The following SPINK5 variants were observed in gnomAD, a reference collection of about 807,000 sequenced individuals.
SPINK5 encodes the protein serine peptidase inhibitor Kazal type 5, also known as serine protease inhibitor Kazal-type 5.
Under a neutral mutation model 151.8 loss-of-function variants are expected in SPINK5, and 125 were observed. The ratio of observed to expected loss-of-function variants is 0.82; its 90% CI spans 0.71 to 0.96. The LOEUF is 0.96. SPINK5 is among the 40% of genes least tolerant of loss of function. The pLI is 0.00. For synonymous variants in SPINK5, 374 were observed against 395.3 expected (o/e 0.95, Z 0.64); for missense variants, 1,194 against 1,291.9 (o/e 0.92, Z 1.16).
chr5:148,065,740 A>G (rs1379118477), intron 2 of SPINK5, among the ~76,000 whole-genome samples: 3 of 152,228 alleles, frequency 2.0e-5, no homozygotes, highest in Non-Finnish European at 4.4e-5. Context: ...TAAATTTTCT[A>G]GTAATCATTA....
In SPINK5 at chr5:148,114,366, C is replaced by T. The variant is rs767144734; in HGVS notation, c.1892C>T (p.Thr631Ile). The T allele has an allele frequency of 6.8e-6, 11 of 1,610,108 alleles. No homozygotes were observed. Among genetic ancestry groups the T allele is most frequent in the Admixed American group, 1.7e-5 (1 of 59,762 alleles). The change falls in exon 21 of 33, where the codon ACA becomes ATA. Residue 631 changes from threonine (T) to isoleucine (I), a missense_variant. Transcript: ENST00000256084. The part of the protein sequence containing the change: ...AKVKREAEKE[T>I]CDEFRRLLQN... ...CTCCTTTTCTTTTCCTTTTAGGAGA[C>T]ATGCGATGAATTTCGGAGACTTTTG...
intron 2 of SPINK5, among the ~76,000 whole-genome samples, chr5:148,068,395 T>C (rs1266115151): frequency 1.3e-5 from 2 of 151,726 alleles, no homozygotes; most frequent in Admixed American, 6.6e-5. Flanking sequence ...TCCAGGCAAG[T>C]ATACTTCTGT....
At chr5:148,079,002 C>G (rs1401481039) in intron 4 of SPINK5, among the ~76,000 whole-genome samples, 1 of 150,724 alleles carries the variant, frequency 6.6e-6, no homozygotes, top group East Asian at 2.0e-4. Context: ...TTGAAAAGAT[C>G]AACAAACCTG....
At chr5:148,124,966 T>C in intron 28 of SPINK5, 129 bp downstream of exon 28, 1 of 1,272,972 alleles carries the variant, frequency 7.9e-7, no homozygotes. Context: ...TTTTCTTGTC[T>C]TGTCACTTTG....
At chr5:148,129,388 G>T (rs1299563826) in intron 30 of SPINK5, among the ~76,000 whole-genome samples, 17 of 152,214 alleles carry the variant, frequency 1.1e-4, no homozygotes, top group African/African-American at 3.9e-4. Flanking sequence ...GTTGTCTACA[G>T]AAGAGATGAT....
chr5:148,102,552 T>A (rs1262526070), intron 15 of SPINK5, among the ~76,000 whole-genome samples: 1 of 152,132 alleles, frequency 6.6e-6, no homozygotes, highest in East Asian at 1.9e-4. Flanking sequence ...AGGTGCAGAA[T>A]AATTTCTTCT....
rs764541508 is a variant in SPINK5, at chr5:148,114,370, C to A, written c.1896C>A (p.Cys632Ter). 1 of 1,611,486 alleles carries A rather than the reference C, an allele frequency of 6.2e-7. No homozygotes were observed. Among genetic ancestry groups the A allele is most frequent in the Non-Finnish European group, 8.5e-7 (1 of 1,178,790 alleles). ...KVKREAEKET[C>*]DEFRRLLQNG... ...TTTTCTTTTCCTTTTAGGAGACATG[C>A]GATGAATTTCGGAGACTTTTGCAAA... The change falls in exon 21 of 33, where the codon TGC becomes TGA. Residue 632 changes from cysteine to a stop codon, truncating the protein, a stop_gained. Transcript: ENST00000256084. LOFTEE classifies it high-confidence loss of function.
rs2113140907 is a variant in SPINK5 at position 148,107,079 on chromosome 5, C to G, written c.1522C>G (p.Leu508Val). ...TCGGGACCAAGTGAGGAATGGAACA[C>G]TTATATGCACCAGGGAGCATAATCC... ...EFRDQVRNGTLICTREHNPVR... is the reference protein window; with the variant it reads ...EFRDQVRNGTVICTREHNPVR... The change falls in exon 17 of 33, where the codon CTT becomes GTT. Residue 508 changes from leucine (L) to valine (V), a missense_variant. Transcript: ENST00000256084. The G allele has an allele frequency of 1.2e-6, 2 of 1,613,230 alleles. No individual in the cohort carries two copies. The highest frequency in any genetic ancestry group is 8.5e-7 in the Non-Finnish European group (1 of 1,179,444).
chr5:148,070,273 CTTGTT>C, intron 2 of SPINK5, 45 bp from the exon 3 acceptor site: 1 of 1,597,020 alleles, frequency 6.3e-7, no homozygotes, highest in African/African-American at 1.3e-5. Context: ...CAAAATAAAG[CTTGTT>C]TTGATGTACT....
At chr5:148,124,590 A>G (rs1754379340) in intron 27 of SPINK5, among the ~76,000 whole-genome samples, 175 bp from the exon 28 acceptor site, 1 of 152,166 alleles carries the variant, frequency 6.6e-6, no homozygotes, top group South Asian at 2.1e-4. Context: ...ATTATCATGA[A>G]AATTCCAACA....
chr5:148,124,040 A>C (rs568283373), intron 27 of SPINK5, 80 bp downstream of exon 27: 1 of 1,521,204 alleles, frequency 6.6e-7, no homozygotes, highest in African/African-American at 1.4e-5. Flanking sequence ...TTAAAACCTA[A>C]GATACTTGGC....
chr5:148,136,870 C>A lies in SPINK5; in HGVS notation c.3187-113C>A. The A allele has an allele frequency of 1.2e-5, 17 of 1,363,558 alleles. No individual in the cohort carries two copies. In the South Asian group the frequency reaches 2.0e-4, roughly 16 times the overall value. The allele number at this position is 1,363,558 out of a possible 1,614,324, so 84.5% of individuals were successfully genotyped here. ...GTGATTTTAAATTGCTACTTCTTTGCAGAATGCAGGATCTATGGATTTCTT... is the reference window on the plus strand; with the variant it reads ...GTGATTTTAAATTGCTACTTCTTTGAAGAATGCAGGATCTATGGATTTCTT... On this transcript the variant is annotated intron_variant, in intron 32 of 32. Coordinates refer to ENST00000256084, the MANE Select transcript of SPINK5 (RefSeq NM_006846.4).
rs761127271 is a variant in SPINK5, at chr5:148,089,664, T to C, written c.602+43T>C. ...CAGGTGGACTTGATGATGATGCACT[T>C]GGTTGCTGTCCCGAGAATCACTCAG... On this transcript the variant is annotated intron_variant, in intron 7 of 32. Coordinates refer to ENST00000256084, the MANE Select transcript of SPINK5 (RefSeq NM_006846.4). The C allele has an allele frequency of 2.5e-6, 4 of 1,610,634 alleles. No individual in the cohort carries two copies. In the African/African-American group the frequency reaches 5.4e-5, roughly 22 times the overall value.
At chr5:148,110,465 G>T (rs72660257) in intron 18 of SPINK5, among the ~76,000 whole-genome samples, 22,274 of 152,018 alleles carry the variant, frequency 0.15, 2,155 homozygotes, top group East Asian at 0.32. Context: ...ATTTTCCCAT[G>T]TGTGCAATAT....
intron 28 of SPINK5, 56 bp downstream of exon 28, chr5:148,124,893 G>T: frequency 6.6e-7 from 1 of 1,506,958 alleles, no homozygotes; most frequent in Non-Finnish European, 8.9e-7. Flanking sequence ...TCAGAATTTT[G>T]CATTCTTCTC....
At chr5:148,105,840 T>A (rs6883004) in intron 16 of SPINK5, among the ~76,000 whole-genome samples, 4,113 of 150,780 alleles carry the variant, frequency 0.027, 92 homozygotes, top group Non-Finnish European at 0.042. Flanking sequence ...ACCAGGCTGG[T>A]CTCAAACTCC....
chr5:148,118,552 G>T lies in SPINK5; in HGVS notation c.2228G>T (p.Cys743Phe), dbSNP rs1339348502. ...GKSYNNQCTM[C>F]KAKLEREAER... ...TCGTACAACAATCAGTGTACCATGT[G>T]TAAAGCAAAATTGTAAGTATTTCTC... Residue 743 changes from cysteine (C) to phenylalanine (F), a missense_variant, in exon 23 of 33, where the codon TGT becomes TTT. Physicochemically the swap from Cys to Phe is radical, Grantham distance 205 (BLOSUM62 -2). Coordinates refer to ENST00000256084, the MANE Select transcript of SPINK5 (RefSeq NM_006846.4). 1 of 1,614,140 alleles carries T rather than the reference G, an allele frequency of 6.2e-7. No homozygotes were observed. The highest frequency in any genetic ancestry group is 1.7e-5 in the Admixed American group (1 of 60,028).
At chr5:148,123,521 G>GTGTGTGTATATATATATATATATATATA (rs1328976077) in intron 26 of SPINK5, among the ~76,000 whole-genome samples, 1 of 25,014 alleles carries the variant, frequency 4.0e-5, no homozygotes, top group African/African-American at 8.0e-5. Context: ...CAATATATGT[G>GTGTGTGTATATATATATATATATATATA]TATATATATA....
In SPINK5 at chr5:148,089,639, C is replaced by G. The variant is rs773844104; in HGVS notation, c.602+18C>G. 8 of 1,611,250 alleles carry G rather than the reference C, an allele frequency of 5.0e-6. 1 individual carries two copies. In the Admixed American group the frequency reaches 1.3e-4, roughly 27 times the overall value. ...GAGCTGTTGTAAGTAGCATCATCCCCAGGTGGACTTGATGATGATGCACTT... is the reference window on the plus strand; with the variant it reads ...GAGCTGTTGTAAGTAGCATCATCCCGAGGTGGACTTGATGATGATGCACTT... On this transcript the variant is annotated intron_variant, in intron 7 of 32. Coordinates refer to ENST00000256084, the MANE Select transcript of SPINK5 (RefSeq NM_006846.4).
Sources: gnomAD v4.1 joint callset for allele counts (sites outside exome capture counted in the v4.1 genomes callset) on GRCh38, gnomAD v4.1.1 for gene constraint, MANE v1.5 for transcripts, NCBI Gene and HGNC (gene_info 2026-07-23, HGNC 2026-07-21) for gene names.